Variants in ECE1 observed in about 807,000 individuals in gnomAD.
ECE1 encodes endothelin-converting enzyme 1.
Under a neutral mutation model 98.6 loss-of-function variants are expected in ECE1, and 35 were observed. The ratio of observed to expected loss-of-function variants is 0.35; its 90% CI spans 0.27 to 0.47. The LOEUF is 0.47. Among genes scored for constraint, ECE1 ranks in the 20% least tolerant of loss-of-function variants. ECE1 has a pLI of 1.00. For synonymous variants in ECE1, 394 were observed against 407.1 expected (o/e 0.97, Z 0.39); for missense variants, 814 against 1,025.3 (o/e 0.79, Z 2.81).
rs1298097845 is a variant in ECE1 at position 21,235,819 on chromosome 1, A to C, written c.1566+31T>G. The C allele has an allele frequency of 1.2e-6, 2 of 1,612,040 alleles. No homozygotes were observed. Among genetic ancestry groups the C allele is most frequent in the Non-Finnish European group, 1.7e-6 (2 of 1,178,078 alleles). On this transcript the variant is annotated intron_variant, in intron 13 of 18. Transcript: ENST00000374893. The surrounding 1 kb of genome is among the most constrained non-coding windows in gnomAD (Gnocchi z 4.2). ...GCCCTTTTCTAAGGGGGCATTTAGG[A>C]ACGCAAGGGGGCAGGGCAGCAGCTA...
At chr1:21,316,239 G>A (rs1289453821) in intron 1 of ECE1, among the ~76,000 whole-genome samples, 1 of 152,142 alleles carries the variant, frequency 6.6e-6, no homozygotes, top group East Asian at 1.9e-4. Flanking sequence ...ATCCCATGAT[G>A]CCGTGGGTTT....
At chr1:21,292,550 T>C (rs1278487722), upstream of ECE1, among the ~76,000 whole-genome samples, 2 of 152,170 alleles carry the variant, frequency 1.3e-5, no homozygotes, top group African/African-American at 2.4e-5. Context: ...TGCAGACTGT[T>C]TTGTTTCCAT....
At chr1:21,221,888 G>A (rs2103201956) in intron 17 of ECE1, 46 bp from the exon 18 acceptor site, 1 of 1,555,416 alleles carries the variant, frequency 6.4e-7, no homozygotes. Context: ...ATGGCAGGTG[G>A]TGAAGGAGGG....
At position 21,289,618 on chromosome 1, in the gene ECE1, C is replaced by G. The variant is rs1463458583; in HGVS notation, c.138+452G>C. Among the ~76,000 whole-genome samples, 3 of 152,282 alleles carry G rather than the reference C, an allele frequency of 2.0e-5. No individual in the cohort carries two copies. In the East Asian group the frequency reaches 5.8e-4, roughly 29 times the overall value. ...GGTACTGCCTCCCGGATAAGGTGAC[C>G]AACTTTCCCAGTTTGCCCCGGACTG... On this transcript the variant is annotated intron_variant, in intron 2 of 18. Coordinates refer to ENST00000374893, the MANE Select transcript of ECE1 (RefSeq NM_001397.3).
At chr1:21,334,331 C>A (rs1035775822) in intron 1 of ECE1, among the ~76,000 whole-genome samples, 4 of 152,346 alleles carry the variant, frequency 2.6e-5, no homozygotes, top group African/African-American at 4.8e-5. Context: ...GGAAGCCCAA[C>A]AGGATGCCGA....
In ECE1 at chr1:21,322,075, C is replaced by G. The variant is rs1388981087; in HGVS notation, c.3+23301G>C. On this transcript the variant is annotated intron_variant, in intron 1 of 18. Coordinates refer to the ECE1 transcript ENST00000415912. This position sits in a 1 kb window ranked among gnomAD's most constrained non-coding sequence, Gnocchi z 4.1. ...CCTTTGGTCTGGTCTTGTCTCCCTC[C>G]TCCTCTGCCTGAAGCTCCCTCACTG... 2.6e-5 allele frequency among the ~76,000 whole-genome samples: 4 copies of G among 152,198 alleles called. No individual in the cohort carries two copies. The highest frequency in any genetic ancestry group is 5.9e-5 in the Non-Finnish European group (4 of 68,038).
intron 1 of ECE1, among the ~76,000 whole-genome samples, chr1:21,321,674 G>A (rs1638966510): frequency 6.6e-6 from 1 of 152,180 alleles, no homozygotes; most frequent in African/African-American, 2.4e-5. Context: ...GGAGTGTAAT[G>A]GCGCAATCTC....
intron 8 of ECE1, among the ~76,000 whole-genome samples, chr1:21,247,842 C>G (rs1270801427): frequency 6.6e-6 from 1 of 152,154 alleles, no homozygotes; most frequent in Non-Finnish European, 1.5e-5. Context: ...GCTGTGTAAC[C>G]CTGGGTAAGT....
rs186864030 is a variant in ECE1, at chr1:21,229,041, C to T, written c.1671-1000G>A. ...TATTTTTAGTAGAGATGGGGTTTCA[C>T]CGTGTTAGCCAGGATGGTCTCGATC... On this transcript the variant is annotated intron_variant, in intron 14 of 18. Coordinates refer to ENST00000374893, the MANE Select transcript of ECE1 (RefSeq NM_001397.3). Among the ~76,000 whole-genome samples, 11 of 151,966 alleles carry T rather than the reference C, an allele frequency of 7.2e-5. No homozygotes were observed. In the East Asian group the frequency reaches 2.2e-3, roughly 30 times the overall value.
At chr1:21,243,402 A>ATT (rs2098199120) in intron 10 of ECE1, among the ~76,000 whole-genome samples, 1 of 51,508 alleles carries the variant, frequency 1.9e-5, no homozygotes, top group African/African-American at 2.8e-4. Context: ...AAATATATTA[A>ATT]AAAAAAAAAA....
At chr1:21,313,265 G>C (rs555004371) in intron 1 of ECE1, among the ~76,000 whole-genome samples, 1 of 152,322 alleles carries the variant, frequency 6.6e-6, no homozygotes, top group East Asian at 1.9e-4. Flanking sequence ...TCGGTGACCA[G>C]GCATATCTGC....
intron 1 of ECE1, among the ~76,000 whole-genome samples, chr1:21,296,835 G>A (rs1638366783): frequency 6.6e-6 from 1 of 152,214 alleles, no homozygotes; most frequent in African/African-American, 2.4e-5. Flanking sequence ...CATCTGGGAT[G>A]TGGGAAATAG....
In ECE1 at chr1:21,300,177, C is replaced by T. The variant is rs566494162; in HGVS notation, c.4-10021G>A. 6.6e-5 allele frequency among the ~76,000 whole-genome samples: 10 copies of T among 152,378 alleles called. No individual in the cohort carries two copies. In the East Asian group the frequency reaches 7.7e-4, roughly 12 times the overall value. ...GGCAGCACATGGGGGCTGTGGGACA[C>T]GCAGGGTTCCCTGCTGCTGGCCTGC... On this transcript the variant is annotated intron_variant, in intron 1 of 18. Coordinates refer to the ECE1 transcript ENST00000415912.
At chr1:21,336,243 T>TGCACCTGA (rs1392444442) in intron 1 of ECE1, among the ~76,000 whole-genome samples, 2 of 152,088 alleles carry the variant, frequency 1.3e-5, no homozygotes, top group Non-Finnish European at 2.9e-5. Context: ...ATTAGCTGGG[T>TGCACCTGA]GTAGTGGTGC....
chr1:21,273,505 C>T lies in ECE1; in HGVS notation c.281-594G>A, dbSNP rs1279500030. 2.0e-5 allele frequency among the ~76,000 whole-genome samples: 3 copies of T among 151,928 alleles called. No individual in the cohort carries two copies. In the East Asian group the frequency reaches 5.8e-4, roughly 29 times the overall value. On this transcript the variant is annotated intron_variant, in intron 3 of 18. Coordinates refer to ENST00000374893, the MANE Select transcript of ECE1 (RefSeq NM_001397.3). ...GGAGAAATGTCTGTCCTCCTTTCTA[C>T]AAAAATAAACTGAACATTTACTATG...
chr1:21,238,042 G>C, intron 11 of ECE1, 92 bp downstream of exon 11: 1 of 1,188,316 alleles, frequency 8.4e-7, no homozygotes, highest in Non-Finnish European at 1.3e-6. Context: ...GAGCAGGAAA[G>C]GCCCAGGGTG....
intron 1 of ECE1, among the ~76,000 whole-genome samples, chr1:21,310,063 G>A (rs1638684598): frequency 6.6e-6 from 1 of 152,100 alleles, no homozygotes; most frequent in Non-Finnish European, 1.5e-5. Flanking sequence ...CCAAAGTGCT[G>A]GGATTACAGG....
chr1:21,317,590 C>A (rs959366556), intron 1 of ECE1, among the ~76,000 whole-genome samples: 3 of 152,208 alleles, frequency 2.0e-5, no homozygotes, highest in Non-Finnish European at 2.9e-5. Context: ...CTGCTCCCCA[C>A]CCGCTTCTCA....
intron 4 of ECE1, among the ~76,000 whole-genome samples, chr1:21,270,038 C>G (rs1376922465): frequency 3.3e-5 from 5 of 152,216 alleles, no homozygotes; most frequent in Non-Finnish European, 7.3e-5. Flanking sequence ...GCCCCAGAAC[C>G]AGTCAGACCA....
Sources: gnomAD v4.1 joint callset for allele counts (sites outside exome capture counted in the v4.1 genomes callset) on GRCh38, gnomAD v4.1.1 for gene constraint, Gnocchi (gnomAD v3.1) non-coding constraint, MANE v1.5 for transcripts, NCBI Gene and HGNC (gene_info 2026-07-23, HGNC 2026-07-21) for gene names.